Variants in AARS1 observed in about 807,000 individuals in gnomAD.
AARS1 encodes alanyl-tRNA synthetase 1.
A neutral mutation model predicts 108.9 loss-of-function variants in AARS1; 72 were observed. The ratio of observed to expected loss-of-function variants is 0.66; its 90% CI spans 0.55 to 0.80. The LOEUF (loss-of-function observed/expected upper bound fraction) is 0.80. Among genes scored for constraint, AARS1 ranks in the 30% least tolerant of loss-of-function variants. AARS1 has a pLI of 0.00. For missense variants in AARS1, 1,193 were observed against 1,233.2 expected (o/e 0.97, Z 0.49); for synonymous variants, 489 against 465.7 (o/e 1.05, Z -0.64).
intron 2 of AARS1, 118 bp from the exon 3 acceptor site, chr16:70,277,272 G>T: frequency 9.2e-7 from 1 of 1,092,562 alleles, no homozygotes; most frequent in Non-Finnish European, 1.4e-6. Flanking sequence ...AACATGCCTG[G>T]AATATAGACA....
In AARS1 at chr16:70,253,709, G is replaced by A. The variant is rs1567600911; in HGVS notation, c.2607+5C>T. On this transcript the variant is annotated splice_donor_5th_base_variant and intron_variant, in intron 19 of 20. Transcript: ENST00000261772. ...TAGGGGAGGGGACCCTGGCCCCTGG[G>A]TTGCCTTGGCTGAGGCGCCGCTCTC... The A allele has an allele frequency of 2.5e-6, 4 of 1,613,510 alleles. No individual in the cohort carries two copies. Among genetic ancestry groups the A allele is most frequent in the South Asian group, 1.1e-5 (1 of 91,076 alleles).
intron 1 of AARS1, among the ~76,000 whole-genome samples, chr16:70,288,285 A>G (rs1960914003): frequency 1.3e-5 from 2 of 148,548 alleles, no homozygotes; most frequent in African/African-American, 2.5e-5. Flanking sequence ...CTATTTTTGT[A>G]TATTTGGTAG....
chr16:70,266,916 A>G (rs1335745392), intron 9 of AARS1, among the ~76,000 whole-genome samples: 1 of 152,068 alleles, frequency 6.6e-6, no homozygotes, highest in African/African-American at 2.4e-5. Context: ...GGCTCAATGC[A>G]ACCTCCGCCT....
At position 70,271,929 on chromosome 16, in the gene AARS1, A is replaced by C. The variant is rs1157517777; in HGVS notation, c.523T>G (p.Phe175Val). Residue 175 changes from phenylalanine (F) to valine (V), a missense_variant, in exon 5 of 21, where the codon TTC (phenylalanine) becomes GTC (valine). Coordinates refer to ENST00000261772, the MANE Select transcript of AARS1 (RefSeq NM_001605.3). ...GGGCCCGTGTCACCCATCTCCCAGA[A>C]GTTATCCTTCATGTTGCCTGGGAGG... ...KILPGNMKDN[F>V]WEMGDTGPCG... 6.2e-7 allele frequency: 1 copy of C among 1,614,030 alleles called. No individual in the cohort carries two copies. The highest frequency in any genetic ancestry group is 2.2e-5 in the East Asian group (1 of 44,882).
At chr16:70,272,531 A>G (rs1278641686) in intron 4 of AARS1, among the ~76,000 whole-genome samples, 2 of 149,874 alleles carry the variant, frequency 1.3e-5, no homozygotes, top group African/African-American at 4.9e-5. Context: ...AAAAAAAAAA[A>G]AAAAACCCGC....
intron 1 of AARS1, among the ~76,000 whole-genome samples, chr16:70,286,853 C>T (rs905413264): frequency 5.9e-5 from 9 of 151,744 alleles, no homozygotes; most frequent in African/African-American, 9.7e-5. Flanking sequence ...CAGTGGCTCA[C>T]GCCTGTAATC....
rs1215563168 is a variant in AARS1 at position 70,276,973 on chromosome 16, T to C, written c.326A>G (p.Tyr109Cys). The C allele has an allele frequency of 6.2e-7, 1 of 1,614,142 alleles. No individual in the cohort carries two copies. The highest frequency in any genetic ancestry group is 1.7e-5 in the Admixed American group (1 of 59,996). Reference sequence around the variant, plus strand: ...CTTCTGCTCTGAACTTACCTTAAAGTAATCTCCAAAAGACCAAGAGCCCAG... The same window carrying C: ...CTTCTGCTCTGAACTTACCTTAAAGCAATCTCCAAAAGACCAAGAGCCCAG... ...EMLGSWSFGD[Y>C]FKELACKMAL... Residue 109 changes from tyrosine (Y) to cysteine (C), a missense_variant, in exon 3 of 21, where the codon TAC becomes TGC. Physicochemically the swap from Tyr to Cys is radical, Grantham distance 194. Coordinates refer to ENST00000261772, the MANE Select transcript of AARS1 (RefSeq NM_001605.3).
At chr16:70,258,883 A>C (rs1278126028) in intron 14 of AARS1, 97 bp downstream of exon 14, 3 of 1,379,668 alleles carry the variant, frequency 2.2e-6, no homozygotes, top group Middle Eastern at 2.4e-4. Context: ...GTGCAGGACG[A>C]ATCTGATACA....
chr16:70,276,292 T>C, intron 4 of AARS1, 194 bp downstream of exon 4: 2 of 593,670 alleles, frequency 3.4e-6, no homozygotes, highest in South Asian at 3.6e-5. Context: ...TGGAGTGCAG[T>C]GGAGTGATCT....
chr16:70,262,449 T>C lies in AARS1; in HGVS notation c.1568A>G (p.Gln523Arg), dbSNP rs1276426551. The change falls in exon 12 of 21, where the codon CAG becomes CGG. Residue 523 changes from glutamine (Q) to arginine (R), a missense_variant. Gln to Arg is a conservative substitution (Grantham distance 43, BLOSUM62 1). Transcript: ENST00000261772. The part of the protein sequence containing the change: ...KMFVEEVSTG[Q>R]ECGVVLDKTC... Reference sequence around the variant, plus strand: ...CTTGTCCAGCACCACTCCACACTCCTGGCCTGTGGACACCTCTTCCACGAA... The same window carrying C: ...CTTGTCCAGCACCACTCCACACTCCCGGCCTGTGGACACCTCTTCCACGAA... 1 of 1,614,210 alleles carries C rather than the reference T, an allele frequency of 6.2e-7. No individual in the cohort carries two copies. The highest frequency in any genetic ancestry group is 8.5e-7 in the Non-Finnish European group (1 of 1,180,044).
chr16:70,274,266 G>A (rs1038181262), intron 4 of AARS1, among the ~76,000 whole-genome samples: 11 of 150,544 alleles, frequency 7.3e-5, no homozygotes, highest in Non-Finnish European at 1.3e-4. Context: ...GCTTGAATCC[G>A]GGAGACGGAG....
intron 4 of AARS1, among the ~76,000 whole-genome samples, chr16:70,273,318 G>C (rs562123206): frequency 5.3e-5 from 8 of 152,268 alleles, no homozygotes; most frequent in African/African-American, 1.7e-4. Context: ...GATTCTCCTT[G>C]ATGCAGCACT....
intron 1 of AARS1, among the ~76,000 whole-genome samples, chr16:70,283,890 GGA>G (rs1438481522): frequency 6.6e-6 from 1 of 152,178 alleles, no homozygotes; most frequent in African/African-American, 2.4e-5. Flanking sequence ...GGGAACTGGT[GGA>G]GAGAGAAAAA....
At chr16:70,267,634 G>C in intron 9 of AARS1, 25 bp downstream of exon 9, 1 of 1,614,094 alleles carries the variant, frequency 6.2e-7, no homozygotes, top group Non-Finnish European at 8.5e-7. Context: ...GGCCAGGATG[G>C]AGAAGGGCAA....
At chr16:70,282,344 A>AAAC (rs1960719135) in intron 2 of AARS1, among the ~76,000 whole-genome samples, 2 of 151,498 alleles carry the variant, frequency 1.3e-5, no homozygotes, top group Admixed American at 1.3e-4. Flanking sequence ...AAAAAAAAAA[A>AAAC]AAAAAAAGCT....
chr16:70,263,071 C>T (rs1379282620), intron 11 of AARS1, among the ~76,000 whole-genome samples: 4 of 150,298 alleles, frequency 2.7e-5, no homozygotes, highest in Non-Finnish European at 5.9e-5. Flanking sequence ...GACCAACTGT[C>T]CCAATTTTTA....
rs777474527 is a variant in AARS1 at position 70,262,458 on chromosome 16, G to T, written c.1559C>A (p.Ser520Tyr). Residue 520 changes from serine (S) to tyrosine (Y), a missense_variant, in exon 12 of 21, where the codon TCC (serine) becomes TAC (tyrosine). Physicochemically the swap from Ser to Tyr is moderately radical, Grantham distance 144. Coordinates refer to ENST00000261772, the MANE Select transcript of AARS1 (RefSeq NM_001605.3). Reference sequence around the variant, plus strand: ...CACCACTCCACACTCCTGGCCTGTGGACACCTCTTCCACGAACATCTTCTC... The same window carrying T: ...CACCACTCCACACTCCTGGCCTGTGTACACCTCTTCCACGAACATCTTCTC... ...RREKMFVEEV[S>Y]TGQECGVVLD... 8 of 1,614,044 alleles carry T rather than the reference G, an allele frequency of 5.0e-6. No homozygotes were observed. Among genetic ancestry groups the T allele is most frequent in the Non-Finnish European group, 5.9e-6 (7 of 1,180,050 alleles).
rs1273114725 is a variant in AARS1 at position 70,253,754 on chromosome 16, G to A, written c.2567C>T (p.Pro856Leu). Residue 856 changes from proline to leucine, a missense_variant, in exon 19 of 21, where the codon CCT becomes CTT. Transcript: ENST00000261772. ...GCTCTCCATCTCCAGGATGACAAGAGGCTGGTTGGGGTTGCTGTCGATGAA... is the reference window on the plus strand; with the variant it reads ...GCTCTCCATCTCCAGGATGACAAGAAGCTGGTTGGGGTTGCTGTCGATGAA... Reference protein sequence around the residue: ...KQFIDSNPNQPLVILEMESGA... With the variant: ...KQFIDSNPNQLLVILEMESGA... The A allele has an allele frequency of 1.2e-6, 2 of 1,614,204 alleles. No individual in the cohort carries two copies. Among genetic ancestry groups the A allele is most frequent in the South Asian group, 1.1e-5 (1 of 91,088 alleles).
chr16:70,269,322 GAAAAAAAAAAAAAAAAAAAAAA>G (rs56394253), intron 7 of AARS1, among the ~76,000 whole-genome samples: 12 of 64,266 alleles, frequency 1.9e-4, no homozygotes, highest in East Asian at 1.0e-3. Flanking sequence ...TTCTGTCTCA[GAAAAAAAAAAAAAAAAAAAAAA>G]AAAAAAAAAA....
Sources: gnomAD v4.1 joint callset for allele counts (sites outside exome capture counted in the v4.1 genomes callset) on GRCh38, gnomAD v4.1.1 for gene constraint, MANE v1.5 for transcripts, NCBI Gene and HGNC (gene_info 2026-07-23, HGNC 2026-07-21) for gene names.